PHACTR3: variants seen among roughly 807,000 people sequenced by gnomAD.
The protein encoded by PHACTR3 is phosphatase and actin regulator 3, also known as protein phosphatase 1, regulatory subunit 123.
Under a neutral mutation model 66.8 loss-of-function variants are expected in PHACTR3, and 16 were observed. That is an observed-to-expected ratio of 0.24 (90% confidence interval 0.16 to 0.36). The LOEUF (loss-of-function observed/expected upper bound fraction) is 0.36. Ranked by LOEUF, PHACTR3 falls within the 10% of genes least tolerant of loss-of-function variation. The pLI, the probability that PHACTR3 is intolerant of heterozygous loss-of-function variation, is 1.00. For synonymous variants in PHACTR3, 323 were observed against 292.1 expected (o/e 1.11, Z -1.08); for missense variants, 647 against 719.9 (o/e 0.90, Z 1.16).
rs80337552 is a variant in PHACTR3, at chr20:59,683,829, C to T, written c.119-59278C>T. 9.6e-4 allele frequency among the ~76,000 whole-genome samples: 146 copies of T among 152,298 alleles called. 1 individual carries two copies. Among genetic ancestry groups the T allele is most frequent in the Middle Eastern group, 3.4e-3 (1 of 294 alleles). On this transcript the variant is annotated intron_variant, in intron 1 of 12. Transcript: ENST00000371015. Reference sequence around the variant, plus strand: ...TGGGTCCACGAATCCCTTAAAGTCCCCTTTTACCCTGTTATGTGCCTGGCC... The same window carrying T: ...TGGGTCCACGAATCCCTTAAAGTCCTCTTTTACCCTGTTATGTGCCTGGCC...
intron 1 of PHACTR3, among the ~76,000 whole-genome samples, chr20:59,643,789 C>G (rs1306710755): frequency 6.6e-6 from 1 of 152,094 alleles, no homozygotes; most frequent in Non-Finnish European, 1.5e-5. Context: ...CTTTACTTGT[C>G]TAAAAGTATT....
At chr20:59,660,502 C>T (rs939271255) in intron 1 of PHACTR3, among the ~76,000 whole-genome samples, 1 of 152,154 alleles carries the variant, frequency 6.6e-6, no homozygotes, top group African/African-American at 2.4e-5. Context: ...AAAAAACAAA[C>T]AAACAAACAA....
intron 1 of PHACTR3, among the ~76,000 whole-genome samples, chr20:59,714,289 A>G (rs570994834): frequency 6.6e-6 from 1 of 152,146 alleles, no homozygotes; most frequent in Non-Finnish European, 1.5e-5. Flanking sequence ...CCCACAAACC[A>G]TAAAGCTTTT....
At chr20:59,634,706 C>T (rs1005380602) in intron 1 of PHACTR3, among the ~76,000 whole-genome samples, 9 of 152,312 alleles carry the variant, frequency 5.9e-5, no homozygotes, top group African/African-American at 2.2e-4. Flanking sequence ...GGTCTCCTTT[C>T]AGAGGCCTCA....
At chr20:59,773,610 G>A (rs1044125979) in intron 6 of PHACTR3, among the ~76,000 whole-genome samples, 157 bp downstream of exon 6, 3 of 152,340 alleles carry the variant, frequency 2.0e-5, no homozygotes, top group Non-Finnish European at 4.4e-5. Flanking sequence ...TTTGCACCTC[G>A]CTCTGCAGAT....
At chr20:59,734,723 C>A (rs1025696025) in intron 1 of PHACTR3, among the ~76,000 whole-genome samples, 4 of 152,060 alleles carry the variant, frequency 2.6e-5, no homozygotes, top group Admixed American at 1.3e-4. Context: ...GGTTTCTGAG[C>A]CTTAGAGACT....
chr20:59,804,250 C>T (rs1216094217), intron 7 of PHACTR3, among the ~76,000 whole-genome samples: 2 of 152,144 alleles, frequency 1.3e-5, no homozygotes, highest in Admixed American at 1.3e-4. Context: ...GCTCCTAGCA[C>T]AGATTTCACA....
chr20:59,700,916 A>C (rs536503750), intron 1 of PHACTR3, among the ~76,000 whole-genome samples: 20 of 152,178 alleles, frequency 1.3e-4, no homozygotes, highest in Admixed American at 1.3e-3. Flanking sequence ...CAGCCTCCCA[A>C]GTAGCTATGA....
At chr20:59,645,059 T>C (rs1036690331) in intron 1 of PHACTR3, among the ~76,000 whole-genome samples, 1 of 151,976 alleles carries the variant, frequency 6.6e-6, no homozygotes, top group Non-Finnish European at 1.5e-5. Context: ...TGTCTGTTGT[T>C]CTGTATGTTT....
At chr20:59,722,086 G>T (rs1446811682) in intron 1 of PHACTR3, among the ~76,000 whole-genome samples, 1 of 152,090 alleles carries the variant, frequency 6.6e-6, no homozygotes, top group East Asian at 1.9e-4. Flanking sequence ...AGAAAAATTA[G>T]CCGGGTGTGG....
chr20:59,735,015 G>A (rs532271180), intron 1 of PHACTR3, among the ~76,000 whole-genome samples: 7 of 151,908 alleles, frequency 4.6e-5, no homozygotes, highest in Non-Finnish European at 8.8e-5. Flanking sequence ...TGAGTCCCCC[G>A]GGAGAGAGGG....
intron 7 of PHACTR3, among the ~76,000 whole-genome samples, chr20:59,783,078 T>C (rs769383847): frequency 6.6e-6 from 1 of 152,208 alleles, no homozygotes; most frequent in East Asian, 1.9e-4. Flanking sequence ...CAGTGTATGC[T>C]TCTGTAAAGT....
At chr20:59,631,797 T>A (rs1443227157) in intron 1 of PHACTR3, among the ~76,000 whole-genome samples, 1 of 152,112 alleles carries the variant, frequency 6.6e-6, no homozygotes, top group African/African-American at 2.4e-5. Flanking sequence ...TCAAAGGACT[T>A]GGGAAACATC....
rs541383058 is a variant in PHACTR3, at chr20:59,747,293, A to G, written c.281-465A>G. 2.0e-5 allele frequency among the ~76,000 whole-genome samples: 3 copies of G among 152,324 alleles called. No individual in the cohort carries two copies. The East Asian group carries it at 5.8e-4, about 29-fold the overall frequency. ...GAAGAAGCTCTAGTGGGAGAGCCGC[A>G]CAGGAGAATCTCATCTGTGAGTGGA... On this transcript the variant is annotated intron_variant, in intron 2 of 12. Coordinates refer to ENST00000371015, the MANE Select transcript of PHACTR3 (RefSeq NM_080672.5).
chr20:59,735,927 A>T (rs1476541651), intron 1 of PHACTR3, among the ~76,000 whole-genome samples: 2 of 152,178 alleles, frequency 1.3e-5, no homozygotes. Context: ...CCATGAGGTC[A>T]GTGTTCCGTC....
chr20:59,726,672 T>C (rs2038572454), intron 1 of PHACTR3, among the ~76,000 whole-genome samples: 2 of 152,156 alleles, frequency 1.3e-5, no homozygotes, highest in African/African-American at 4.8e-5. Flanking sequence ...TTTTAAAGGG[T>C]ACGATTCATG....
At chr20:59,835,332 C>T (rs1387687526) in intron 8 of PHACTR3, among the ~76,000 whole-genome samples, 1 of 152,166 alleles carries the variant, frequency 6.6e-6, no homozygotes, top group Non-Finnish European at 1.5e-5. Flanking sequence ...GAAGCAACCA[C>T]CCACAGAGCC....
At chr20:59,683,114 A>G (rs1243888538) in intron 1 of PHACTR3, among the ~76,000 whole-genome samples, 2 of 152,040 alleles carry the variant, frequency 1.3e-5, no homozygotes, top group African/African-American at 2.4e-5. Context: ...TGGCTGAGGG[A>G]GCAGATGGGG....
chr20:59,614,360 G>A (rs553933711), intron 1 of PHACTR3, among the ~76,000 whole-genome samples: 1 of 152,238 alleles, frequency 6.6e-6, no homozygotes, highest in African/African-American at 2.4e-5. Context: ...CAAGATTTAT[G>A]TATTGAAAGT....
Sources: gnomAD v4.1 joint callset for allele counts (sites outside exome capture counted in the v4.1 genomes callset) on GRCh38, gnomAD v4.1.1 for gene constraint, MANE v1.5 for transcripts, NCBI Gene and HGNC (gene_info 2026-07-23, HGNC 2026-07-21) for gene names.